Variants in MFSD12 observed in about 807,000 individuals in gnomAD.
The protein encoded by MFSD12 is major facilitator superfamily domain-containing protein 12.
In MFSD12, 67 loss-of-function variants were observed where a neutral mutation model predicts 51.2. That is an observed-to-expected ratio of 1.31 (90% CI 1.08 to 1.60). The LOEUF is 1.60. Ranked by LOEUF, MFSD12 falls within the 40% of genes most tolerant of loss-of-function variation. The pLI is 0.00. For synonymous variants in MFSD12, 441 were observed against 316.7 expected (o/e 1.39, Z -4.17); for missense variants, 921 against 673.0 (o/e 1.37, Z -4.08).
downstream of MFSD12, chr19:3,539,263 G>A (rs1319943625): frequency 7.1e-6 from 11 of 1,543,552 alleles, no homozygotes; most frequent in African/African-American, 1.4e-5. Flanking sequence ...CTGTACAGGT[G>A]AGCCCCTCCC....
At chr19:3,548,988 G>A (rs991812278) in intron 2 of MFSD12, among the ~76,000 whole-genome samples, 2 of 152,202 alleles carry the variant, frequency 1.3e-5, no homozygotes, top group African/African-American at 2.4e-5. Flanking sequence ...CCGACACGAA[G>A]GCGCTGTGAG....
rs773086449 is a variant in MFSD12 at position 3,547,308 on chromosome 19, G to A, written c.987C>T (p.Phe329=). 8.7e-6 allele frequency: 14 copies of A among 1,613,190 alleles called. No individual in the cohort carries two copies. The East Asian group carries it at 1.8e-4, about 21-fold the overall frequency. The part of the protein sequence containing the change: ...VMYLSGFLSS[F]LMKPINKCIG... ...TGCACTTGTTGATGGGCTTCATGAGGAAGGAGGACAAGAAGCCGCTGAGGT... is the reference window on the plus strand; with the variant it reads ...TGCACTTGTTGATGGGCTTCATGAGAAAGGAGGACAAGAAGCCGCTGAGGT... The change falls in exon 6 of 10, where the codon TTC becomes TTT. Residue 329 remains phenylalanine, a synonymous_variant. Coordinates refer to ENST00000355415, the MANE Select transcript of MFSD12 (RefSeq NM_174983.5).
At chr19:3,543,809 G>A, downstream of MFSD12, 2 of 1,505,918 alleles carry the variant, frequency 1.3e-6, no homozygotes, top group Non-Finnish European at 1.8e-6. Context: ...GGCACATGGT[G>A]ACCCGAGTCC....
intron 1 of MFSD12, among the ~76,000 whole-genome samples, chr19:3,552,847 GTCA>G (rs1568261997): frequency 6.6e-6 from 1 of 152,154 alleles, no homozygotes; most frequent in Non-Finnish European, 1.5e-5. Flanking sequence ...AAGCGTGGGT[GTCA>G]TTATCCTCAT....
intron 8 of MFSD12, among the ~76,000 whole-genome samples, chr19:3,545,748 G>A (rs777688506): frequency 2.0e-5 from 3 of 152,240 alleles, no homozygotes; most frequent in Non-Finnish European, 4.4e-5. Flanking sequence ...CTGTGATGCT[G>A]TGGTCTAGAA....
Position 3,544,255 on chromosome 19 carries a change from T to A in MFSD12, c.*455A>T. 1 of 1,300,548 alleles carries A rather than the reference T, an allele frequency of 7.7e-7. No individual in the cohort carries two copies. The highest frequency in any genetic ancestry group is 3.1e-5 in the East Asian group (1 of 32,748). 80.6% of individuals were successfully genotyped at this position (1,300,548 alleles called of 1,614,324 possible). On this transcript the variant is annotated 3_prime_UTR_variant, in exon 10 of 10. Transcript: ENST00000355415. ...GTCCACCAAGCCTGCCGGGCAGCCC[T>A]GCTGCCCACCACGGTGGGGTCCAGG...
At chr19:3,541,773 G>A (rs2030437445), downstream of MFSD12, 4 of 985,330 alleles carry the variant, frequency 4.1e-6, no homozygotes, top group Non-Finnish European at 3.6e-6. Context: ...CCGACAGCAG[G>A]GGTGAGGGGC....
At position 3,546,306 on chromosome 19, in the gene MFSD12, G is replaced by A. The variant is rs768070156; in HGVS notation, c.1143C>T (p.Thr381=). 1.9e-5 allele frequency: 31 copies of A among 1,609,922 alleles called. No homozygotes were observed. Among genetic ancestry groups the A allele is most frequent in the East Asian group, 6.7e-5 (3 of 44,748 alleles). The change falls in exon 7 of 10, where the codon ACC becomes ACT. Residue 381 remains threonine (T), a synonymous_variant. Transcript: ENST00000355415. ...AAVLLGAGCA[T]ILVTSLAMTA... ...TCATGGCCAGCGAGGTGACGAGGAT[G>A]GTGGCACAGCCAGCACCCAGCAGCA...
At chr19:3,549,104 T>G (rs1304372942) in intron 2 of MFSD12, among the ~76,000 whole-genome samples, 1 of 152,132 alleles carries the variant, frequency 6.6e-6, no homozygotes, top group Non-Finnish European at 1.5e-5. Flanking sequence ...AAGCTGAGAT[T>G]CATGTTAAGG....
In MFSD12 at chr19:3,545,952, T is replaced by C. The variant is rs114231282; in HGVS notation, c.1289+122A>G. ...AGGTCTCCCCTGCCTATGACTCCCA[T>C]TGGGGCAGGTGTCTTTGGTCCACAG... On this transcript the variant is annotated intron_variant, in intron 8 of 9. Coordinates refer to ENST00000355415, the MANE Select transcript of MFSD12 (RefSeq NM_174983.5). 326 of 963,760 alleles carry C rather than the reference T, an allele frequency of 3.4e-4. 1 individual carries two copies. The African/African-American group carries it at 4.1e-3, about 12-fold the overall frequency. The allele number at this position is 963,760 out of a possible 1,614,324, so 59.7% of individuals were successfully genotyped here. A position where few individuals can be genotyped will look rare whatever the true frequency, so the allele number is the denominator to read the frequency against.
In MFSD12 at chr19:3,546,346, A is replaced by G; in HGVS notation, c.1103T>C (p.Val368Ala). ...VALAEGLGVA[V>A]YAAAVLLGAG... ...ACCCAGCAGCACAGCCGCTGCGTACACGGCCACACCCAGTCCCTCCGCCAG... is the reference window on the plus strand; with the variant it reads ...ACCCAGCAGCACAGCCGCTGCGTACGCGGCCACACCCAGTCCCTCCGCCAG... Residue 368 changes from valine (V) to alanine (A), a missense_variant, in exon 7 of 10, where the codon GTG becomes GCG. By Grantham distance (64) the Val-to-Ala change is moderately conservative. Coordinates refer to ENST00000355415, the MANE Select transcript of MFSD12 (RefSeq NM_174983.5). 1 of 1,608,024 alleles carries G rather than the reference A, an allele frequency of 6.2e-7. No individual in the cohort carries two copies. The highest frequency in any genetic ancestry group is 8.5e-7 in the Non-Finnish European group (1 of 1,178,128).
chr19:3,542,866 G>A (rs1440863086), downstream of MFSD12: 2 of 1,388,424 alleles, frequency 1.4e-6, no homozygotes, highest in Non-Finnish European at 9.7e-7. Flanking sequence ...GGCCAGGGGG[G>A]CTTCCCAGAG....
rs2031491816 is a variant in MFSD12 at position 3,551,832 on chromosome 19, T to C, written c.299-638A>G. The stretch of plus-strand genomic sequence containing the variant: ...CTCCGTGCCCTGCCCTGCCCTTCCC[T>C]CTCTCCCCCTTCTCTCTCTGCTCCA... On this transcript the variant is annotated intron_variant, in intron 1 of 9. Transcript: ENST00000355415. The surrounding 1 kb of genome is among the most constrained non-coding windows in gnomAD (Gnocchi z 4.6). 6.6e-6 allele frequency among the ~76,000 whole-genome samples: 1 copy of C among 151,994 alleles called. No individual in the cohort carries two copies. The highest frequency in any genetic ancestry group is 2.1e-4 in the South Asian group (1 of 4,816).
intron 2 of MFSD12, among the ~76,000 whole-genome samples, 200 bp from the exon 3 acceptor site, chr19:3,548,467 G>A (rs1016344456): frequency 7.9e-5 from 12 of 152,220 alleles, no homozygotes; most frequent in African/African-American, 2.7e-4. Flanking sequence ...CGGGAAAGCT[G>A]TGACCTGCAG....
rs369514845 is a variant in MFSD12, at chr19:3,544,861, G to T, written c.1368C>A (p.Ala456=). ...MVAVTGGVGV[A]AALCLCSLLL... ...GGAGGCTACAGAGACACAGGGCAGC[G>T]GCCACGCCCACGCCGCCCGTCACAG... is the stretch of plus-strand genomic sequence containing the variant. Residue 456 remains alanine, a synonymous_variant, in exon 9 of 10, where the codon GCC becomes GCA. Coordinates refer to ENST00000355415, the MANE Select transcript of MFSD12 (RefSeq NM_174983.5). 6.2e-7 allele frequency: 1 copy of T among 1,611,942 alleles called. No homozygotes were observed. Among genetic ancestry groups the T allele is most frequent in the Non-Finnish European group, 8.5e-7 (1 of 1,179,642 alleles).
At chr19:3,545,738 C>A (rs1409899261) in intron 8 of MFSD12, among the ~76,000 whole-genome samples, 1 of 152,026 alleles carries the variant, frequency 6.6e-6, no homozygotes, top group African/African-American at 2.4e-5. Context: ...GGCGTGAATG[C>A]TGTGATGCTG....
At chr19:3,538,808 C>T (rs746218132) in intron 4 of MFSD12, 3 of 549,074 alleles carry the variant, frequency 5.5e-6, no homozygotes, top group East Asian at 4.9e-5. Flanking sequence ...GAGTGAGGAG[C>T]TGGGGTGACA....
chr19:3,538,591 C>G (rs1027944410), exon 5 of MFSD12: 3 of 425,864 alleles, frequency 7.0e-6, no homozygotes, highest in African/African-American at 6.1e-5. Flanking sequence ...AAGGTGCATC[C>G]GCACTGTGGC....
At position 3,544,540 on chromosome 19, in the gene MFSD12, C is replaced by A. The variant is rs562440397; in HGVS notation, c.*170G>T. 7 of 1,411,856 alleles carry A rather than the reference C, an allele frequency of 5.0e-6. No individual in the cohort carries two copies. The Admixed American group carries it at 1.5e-4, about 29-fold the overall frequency. 87.5% of individuals were successfully genotyped at this position (1,411,856 alleles called of 1,614,324 possible). On this transcript the variant is annotated 3_prime_UTR_variant, in exon 10 of 10. Transcript: ENST00000355415. Reference sequence around the variant, plus strand: ...CCAGGGGGTCCTTGCAAGTCCCTGGCGGGCATCCCTGCTGCCCTCACCCGA... The same window carrying A: ...CCAGGGGGTCCTTGCAAGTCCCTGGAGGGCATCCCTGCTGCCCTCACCCGA...
Sources: gnomAD v4.1 joint callset for allele counts (sites outside exome capture counted in the v4.1 genomes callset) on GRCh38, gnomAD v4.1.1 for gene constraint, Gnocchi (gnomAD v3.1) non-coding constraint, MANE v1.5 for transcripts, NCBI Gene and HGNC (gene_info 2026-07-23, HGNC 2026-07-21) for gene names.